The following NTM variants were observed in gnomAD, a reference collection of about 807,000 sequenced individuals.
NTM encodes IgLON family member 2.
In NTM, 13 loss-of-function variants were observed where a neutral mutation model predicts 42.1. The ratio of observed to expected loss-of-function variants is 0.31; its 90% confidence interval spans 0.20 to 0.49. NTM has a LOEUF of 0.49. Among genes scored for constraint, NTM ranks in the 20% least tolerant of loss-of-function variants. The probability of loss-of-function intolerance (pLI) is 0.99; values close to 1 mark genes in which losing one functional copy is unlikely to be tolerated. For missense variants in NTM, 373 were observed against 452.8 expected, an observed-to-expected ratio of 0.82 and a Z score of 1.60; for synonymous variants, 187 against 179.2, an observed-to-expected ratio of 1.04 and a Z score of -0.35.
chr11:131,514,811 G>A (rs1329728366), intron 1 of NTM, among the ~76,000 whole-genome samples: 1 of 152,002 alleles, frequency 6.6e-6, no homozygotes, highest in Non-Finnish European at 1.5e-5. Flanking sequence ...TGCTGGTATT[G>A]AACTCCTAAG....
At chr11:131,785,038 G>C (rs1313624354) in intron 1 of NTM, among the ~76,000 whole-genome samples, 1 of 152,148 alleles carries the variant, frequency 6.6e-6, no homozygotes, top group Non-Finnish European at 1.5e-5. Context: ...GTGTGCGTGT[G>C]TGTGTCTGTG....
chr11:131,521,545 A>T (rs2049724564), intron 1 of NTM, among the ~76,000 whole-genome samples: 1 of 151,074 alleles, frequency 6.6e-6, no homozygotes, highest in Non-Finnish European at 1.5e-5. Flanking sequence ...AGTAGCTGGG[A>T]CTGCAAGGGC....
intron 2 of NTM, among the ~76,000 whole-genome samples, chr11:131,950,796 C>T (rs905682728): frequency 7.9e-5 from 12 of 152,186 alleles, no homozygotes; most frequent in Non-Finnish European, 1.6e-4. Context: ...TCTCTATGAA[C>T]CCTTCTCTAA....
intron 1 of NTM, among the ~76,000 whole-genome samples, chr11:131,488,712 C>T (rs998170047): frequency 6.6e-6 from 1 of 152,272 alleles, no homozygotes; most frequent in Non-Finnish European, 1.5e-5. Flanking sequence ...TATATTCCCC[C>T]TCACACATCC....
intron 2 of NTM, among the ~76,000 whole-genome samples, chr11:132,139,675 T>C (rs998348550): frequency 6.6e-6 from 1 of 152,102 alleles, no homozygotes; most frequent in Non-Finnish European, 1.5e-5. Flanking sequence ...GACCAGGTGT[T>C]GGGGGAGATG....
intron 1 of NTM, among the ~76,000 whole-genome samples, chr11:131,736,876 G>T (rs1157289293): frequency 1.3e-5 from 2 of 152,126 alleles, no homozygotes; most frequent in Non-Finnish European, 2.9e-5. Flanking sequence ...ATTCAGTGTT[G>T]ATCCATCACA....
chr11:131,891,439 T>A (rs2051323934), intron 1 of NTM, among the ~76,000 whole-genome samples: 1 of 152,212 alleles, frequency 6.6e-6, no homozygotes, highest in East Asian at 1.9e-4. Flanking sequence ...GTATGGGGAA[T>A]CTAAATGGTG....
intron 1 of NTM, among the ~76,000 whole-genome samples, chr11:131,473,125 C>T (rs1386488978): frequency 6.6e-6 from 1 of 152,140 alleles, no homozygotes; most frequent in East Asian, 1.9e-4. Flanking sequence ...GATACTTGCA[C>T]TTAGATAACT....
chr11:131,966,194 A>G (rs796488552), intron 2 of NTM, among the ~76,000 whole-genome samples: 8 of 152,298 alleles, frequency 5.3e-5, no homozygotes, highest in African/African-American at 1.7e-4. Context: ...GAGTTTGCTG[A>G]AACAGAATGG....
chr11:132,296,719 A>G (rs1030793688), intron 4 of NTM, among the ~76,000 whole-genome samples: 7 of 152,196 alleles, frequency 4.6e-5, no homozygotes, highest in African/African-American at 1.7e-4. Context: ...GCACAGTAGT[A>G]GTGTGCCCAG....
chr11:131,759,521 T>C (rs1361287883), intron 1 of NTM, among the ~76,000 whole-genome samples: 3 of 152,214 alleles, frequency 2.0e-5, no homozygotes, highest in Admixed American at 6.5e-5. Context: ...TCCTCCTTTT[T>C]TTTCAACTCA....
rs61906046 is a variant in NTM at position 132,324,387 on chromosome 11, C to A, written c.935-5766C>A. On this transcript the variant is annotated intron_variant, in intron 7 of 8. Coordinates refer to ENST00000683400, the MANE Select transcript of NTM (RefSeq NM_001352005.2). ...AGCATTCCTATACACCAACAACAGA[C>A]AAACAGCCAAATCATGAGTGAACTC... Among the ~76,000 whole-genome samples the A allele has an allele frequency of 6.9e-3, 1,034 of 149,564 alleles. 6 individuals carry two copies. Among genetic ancestry groups the A allele is most frequent in the Non-Finnish European group, 0.01 (686 of 67,160 alleles).
At chr11:132,267,038 G>A (rs947552381) in intron 4 of NTM, among the ~76,000 whole-genome samples, 16 of 152,078 alleles carry the variant, frequency 1.1e-4, no homozygotes, top group African/African-American at 3.9e-4. Context: ...AAGACGGGAG[G>A]GGCCACCCAC....
At chr11:132,062,397 C>G (rs1301484117) in intron 2 of NTM, among the ~76,000 whole-genome samples, 2 of 152,074 alleles carry the variant, frequency 1.3e-5, no homozygotes, top group Admixed American at 1.3e-4. Context: ...TACAGCACTT[C>G]TTTAATGGTC....
chr11:131,392,687 A>C (rs557615725), intron 1 of NTM, among the ~76,000 whole-genome samples: 22 of 152,272 alleles, frequency 1.4e-4, no homozygotes, highest in Middle Eastern at 3.4e-3. Context: ...CCCAGTCTGG[A>C]CGCCTGTTGC....
intron 1 of NTM, among the ~76,000 whole-genome samples, chr11:131,502,288 T>A (rs1209436101): frequency 6.6e-6 from 1 of 151,218 alleles, no homozygotes; most frequent in African/African-American, 2.4e-5. Context: ...AGAGAGAGAG[T>A]CCTTGCTGCT....
intron 1 of NTM, among the ~76,000 whole-genome samples, chr11:131,756,089 G>T (rs2083293754): frequency 6.6e-6 from 1 of 152,218 alleles, no homozygotes. Flanking sequence ...CTCCTGGGTT[G>T]CATCTGAGCT....
chr11:131,796,779 A>T (rs972587415), intron 1 of NTM, among the ~76,000 whole-genome samples: 6 of 152,172 alleles, frequency 3.9e-5, no homozygotes. Context: ...TAGCACAGTA[A>T]CAGCAGTTCT....
rs1565686007 is a variant in NTM at position 131,598,789 on chromosome 11, C to CTTTT, written c.82+227904_82+227905insTTTT. 9.2e-5 allele frequency among the ~76,000 whole-genome samples: 8 copies of CTTTT among 87,390 alleles called. 2 individuals are homozygous for CTTTT. The highest frequency in any genetic ancestry group is 3.0e-4 in the African/African-American group (8 of 27,010). 57.3% of individuals were successfully genotyped at this position (87,390 alleles called of 152,430 possible). ...TTTTTTCTTTCTTTCTTTCTTCTTT[C>CTTTT]TTTCTTTCTTTTTCTTTCTTTCTTC... On this transcript the variant is annotated intron_variant, in intron 1 of 8. Transcript: ENST00000683400.
Sources: allele counts gnomAD v4.1 joint callset (sites outside exome capture counted in the v4.1 genomes callset), GRCh38; gene constraint gnomAD v4.1.1; transcripts MANE v1.5; gene names NCBI Gene and HGNC (gene_info 2026-07-23, HGNC 2026-07-21).